Variants in TTN observed in about 807,000 individuals in gnomAD.
TTN encodes connectin.
A neutral mutation model predicts 3,223.0 loss-of-function variants in TTN; 1,525 were observed. That is an observed-to-expected ratio of 0.47 (90% CI 0.45 to 0.49). TTN has a LOEUF of 0.49. Among genes scored for constraint, TTN ranks in the 20% least tolerant of loss-of-function variants. The pLI, the probability that TTN is intolerant of heterozygous loss-of-function variation, is 0.00. For synonymous variants in TTN, 14,094 were observed against 15,161.0 expected (o/e 0.93, Z 5.17); for missense variants, 40,786 against 43,424.0 (o/e 0.94, Z 5.40).
In TTN at chr2:178,552,066, AC is replaced by A; in HGVS notation, c.90833del (p.Ser30278MetfsTer12). 1 of 1,613,784 alleles carries A rather than the reference AC, an allele frequency of 6.2e-7. No homozygotes were observed. The highest frequency in any genetic ancestry group is 8.5e-7 in the Non-Finnish European group (1 of 1,179,782). ...SQTNWKMVCS[S>X]VARTTFKVPN... The stretch of plus-strand genomic sequence containing the variant: ...GAACTTTGAAAGTCGTTCTGGCAAC[AC>A]TTGAACACACCATCTTCCAGTTAGT... On this transcript the variant is annotated frameshift_variant, in exon 335 of 363. Transcript: ENST00000589042. LOFTEE classifies it high-confidence loss of function.
At chr2:178,637,632 T>G (rs1182061624) in intron 223 of TTN, among the ~76,000 whole-genome samples, 1 of 152,098 alleles carries the variant, frequency 6.6e-6, no homozygotes, top group Non-Finnish European at 1.5e-5. Flanking sequence ...ATATTTAGGA[T>G]TAACAACTTC....
At position 178,701,183 on chromosome 2, in the gene TTN, G is replaced by C. The variant is rs781304514; in HGVS notation, c.30619C>G (p.Pro10207Ala). The change falls in exon 111 of 363, where the codon CCT (proline) becomes GCT (alanine). Residue 10207 changes from proline (P) to alanine (A), a missense_variant. Pro to Ala is a conservative substitution (Grantham distance 27). Transcript: ENST00000589042. ...PPEEIPPVVA[P>A]PIPLLLPTPE... The stretch of plus-strand genomic sequence containing the variant: ...GTTGGTAGCAAAAGGGGGATAGGAG[G>C]AGCAACCACAGGAGGGATTTCTGAA... The C allele has an allele frequency of 4.3e-5, 69 of 1,613,108 alleles. No individual in the cohort carries two copies. Among genetic ancestry groups the C allele is most frequent in the Non-Finnish European group, 4.6e-5 (54 of 1,179,596 alleles).
At chr2:178,787,680 A>T (rs1206830059) in intron 13 of TTN, among the ~76,000 whole-genome samples, 1 of 152,106 alleles carries the variant, frequency 6.6e-6, no homozygotes, top group African/African-American at 2.4e-5. Flanking sequence ...CACAACTGAA[A>T]TATTTAAATT....
In TTN at chr2:178,616,746, A is replaced by G. The variant is rs749678590; in HGVS notation, c.48143T>C (p.Ile16048Thr). ...ENRVKTISGE[I>T]DVNVIARPSA... Reference sequence around the variant, plus strand: ...TTCCTTACCAATTACATTGACATCAATTTCCCCAGAAATTGTTTTCACACG... The same window carrying G: ...TTCCTTACCAATTACATTGACATCAGTTTCCCCAGAAATTGTTTTCACACG... Residue 16048 changes from isoleucine to threonine, a missense_variant, in exon 256 of 363, where the codon ATT becomes ACT. Coordinates refer to ENST00000589042, the MANE Select transcript of TTN (RefSeq NM_001267550.2). The G allele has an allele frequency of 3.9e-5, 63 of 1,612,506 alleles. No individual in the cohort carries two copies. In the Admixed American group the frequency reaches 9.3e-4, roughly 24 times the overall value.
chr2:178,599,524 G>A (rs536272871), intron 289 of TTN, 30 bp downstream of exon 289: 1 of 1,521,336 alleles, frequency 6.6e-7, no homozygotes, highest in Non-Finnish European at 8.8e-7. Flanking sequence ...AGAAAAACAA[G>A]TAATTTTAAC....
chr2:178,719,297 A>G lies in TTN; in HGVS notation c.24093T>C (p.Cys8031=). 1.2e-6 allele frequency: 2 copies of G among 1,613,798 alleles called. No individual in the cohort carries two copies. The highest frequency in any genetic ancestry group is 1.3e-5 in the African/African-American group (1 of 75,020). The part of the protein sequence containing the change: ...DGNEIVSGPK[C]QSSFSENVCT... The stretch of plus-strand genomic sequence containing the variant: ...AGACGTTTTCCGAAAAGCTGGACTG[A>G]CATTTGGGCCCACTAACAATCTCAT... The change falls in exon 83 of 363, where the codon TGT becomes TGC. Residue 8031 remains cysteine, a synonymous_variant. Coordinates refer to ENST00000589042, the MANE Select transcript of TTN (RefSeq NM_001267550.2).
At chr2:178,783,535 C>T (rs917139392) in intron 17 of TTN, among the ~76,000 whole-genome samples, 185 bp downstream of exon 17, 3 of 152,036 alleles carry the variant, frequency 2.0e-5, no homozygotes, top group African/African-American at 7.2e-5. Context: ...ACATAGAATT[C>T]CCTTCTTCCT....
At position 178,608,627 on chromosome 2, in the gene TTN, G is replaced by A; in HGVS notation, c.52384C>T (p.Leu17462Phe). The A allele has an allele frequency of 1.2e-6, 2 of 1,611,144 alleles. No homozygotes were observed. Among genetic ancestry groups the A allele is most frequent in the Non-Finnish European group, 1.7e-6 (2 of 1,178,730 alleles). ...TTACCAAATGGATCTTTAGCCACAAGTGGCTTTGAAACACATGGTGGACCT... is the reference window on the plus strand; with the variant it reads ...TTACCAAATGGATCTTTAGCCACAAATGGCTTTGAAACACATGGTGGACCT... ...GPGPPCVSKPLVAKDPFGPPD... is the reference protein window; with the variant it reads ...GPGPPCVSKPFVAKDPFGPPD... Residue 17462 changes from leucine to phenylalanine, a missense_variant, in exon 274 of 363, where the codon CTT becomes TTT. Coordinates refer to ENST00000589042, the MANE Select transcript of TTN (RefSeq NM_001267550.2).
intron 226 of TTN, 46 bp from the exon 227 acceptor site, chr2:178,635,761 T>A: frequency 6.5e-7 from 1 of 1,548,386 alleles, no homozygotes; most frequent in South Asian, 1.2e-5. Context: ...TCTGAACAAG[T>A]AATATACATA....
At chr2:178,691,944 A>T (rs1214210248) in intron 121 of TTN, 72 bp downstream of exon 121, 13 of 1,279,138 alleles carry the variant, frequency 1.0e-5, no homozygotes, top group Non-Finnish European at 1.4e-5. Flanking sequence ...AGCATAGTAC[A>T]TATGAAGATC....
At chr2:178,702,320 G>A in intron 107 of TTN, 75 bp from the exon 108 acceptor site, 2 of 1,604,158 alleles carry the variant, frequency 1.2e-6, no homozygotes, top group Non-Finnish European at 1.7e-6. Flanking sequence ...ATATACGTAT[G>A]TGTTTATTTA....
chr2:178,682,420 G>A (rs1167871737), intron 135 of TTN, among the ~76,000 whole-genome samples: 1 of 152,010 alleles, frequency 6.6e-6, no homozygotes, highest in Non-Finnish European at 1.5e-5. Flanking sequence ...AAGAAACTTA[G>A]GGACATTTGC....
intron 358 of TTN, 56 bp from the exon 359 acceptor site, chr2:178,530,172 T>G (rs923091521): frequency 6.6e-5 from 103 of 1,564,604 alleles, no homozygotes; most frequent in Non-Finnish European, 5.6e-5. Context: ...AAGCTTTTTT[T>G]GGGAAGCTGA....
Position 178,685,599 on chromosome 2 carries a change from C to G in TTN, c.32312-1G>C, listed in dbSNP as rs2070649864. 6.2e-7 allele frequency: 1 copy of G among 1,612,750 alleles called. No individual in the cohort carries two copies. Among genetic ancestry groups the G allele is most frequent in the Non-Finnish European group, 8.5e-7 (1 of 1,179,386 alleles). Reference sequence around the variant, plus strand: ...ACATATTCCTCAGGCTCTTCCATCACTTTAAAGACAGCAGTTTTAAAGAAG... The same window carrying G: ...ACATATTCCTCAGGCTCTTCCATCAGTTTAAAGACAGCAGTTTTAAAGAAG... On this transcript the variant is annotated splice_acceptor_variant, in intron 127 of 362. Coordinates refer to ENST00000589042, the MANE Select transcript of TTN (RefSeq NM_001267550.2). LOFTEE classifies it high-confidence loss of function.
At chr2:178,546,546 A>G in intron 341 of TTN, 44 bp from the exon 342 acceptor site, 2 of 1,595,318 alleles carry the variant, frequency 1.3e-6, no homozygotes, top group Non-Finnish European at 1.7e-6. Flanking sequence ...CTGAGAGTTT[A>G]TTTTCACATA....
chr2:178,688,018 T>C, intron 127 of TTN, 93 bp downstream of exon 127: 1 of 1,011,476 alleles, frequency 9.9e-7, no homozygotes, highest in South Asian at 1.6e-5. Flanking sequence ...GTGTCACTTT[T>C]TTCTGTCTCT....
At chr2:178,794,345 A>C (rs1307733142) in intron 8 of TTN, 54 bp downstream of exon 8, 1 of 1,611,310 alleles carries the variant, frequency 6.2e-7, no homozygotes, top group East Asian at 2.2e-5. Context: ...GGTTGAGTTA[A>C]TGTGCACTGA....
chr2:178,611,581 G>A lies in TTN; in HGVS notation c.50648C>T (p.Pro16883Leu), dbSNP rs758756600. The A allele has an allele frequency of 6.2e-7, 1 of 1,612,856 alleles. No homozygotes were observed. Among genetic ancestry groups the A allele is most frequent in the Non-Finnish European group, 8.5e-7 (1 of 1,179,334 alleles). ...WKPPEKNGGS[P>L]IIGYHVEMCP... ...CATTTCAACATGGTATCCTATGATA[G>A]GACTTCCACCATTTTTCTCTGGAGG... Residue 16883 changes from proline to leucine, a missense_variant, in exon 269 of 363, where the codon CCT becomes CTT. Coordinates refer to ENST00000589042, the MANE Select transcript of TTN (RefSeq NM_001267550.2).
Position 178,652,920 on chromosome 2 carries a change from G to A in TTN, c.38887C>T (p.Pro12963Ser). 6.2e-7 allele frequency: 1 copy of A among 1,607,190 alleles called. No homozygotes were observed. The highest frequency in any genetic ancestry group is 8.5e-7 in the Non-Finnish European group (1 of 1,177,780). ...TTCTTTTCAGGAACAACCTCTATGG[G>A]AGCCTCTGGCACTTAAAAGATATTA... ...EVPPVKVPEA[P>S]IEVVPEKKMP... is the part of the protein sequence containing the mutation. The change falls in exon 200 of 363, where the codon CCC (proline) becomes TCC (serine). Residue 12963 changes from proline (P) to serine (S), a missense_variant. Pro to Ser is a moderately conservative substitution (Grantham distance 74, BLOSUM62 -1). Coordinates refer to ENST00000589042, the MANE Select transcript of TTN (RefSeq NM_001267550.2).
Sources: allele counts gnomAD v4.1 joint callset (sites outside exome capture counted in the v4.1 genomes callset), GRCh38; gene constraint gnomAD v4.1.1; transcripts MANE v1.5; gene names NCBI Gene and HGNC (gene_info 2026-07-23, HGNC 2026-07-21).